AFAP1: variants seen among roughly 807,000 people sequenced by gnomAD.
AFAP1 encodes the protein actin filament-associated protein 1.
A neutral mutation model predicts 93.9 loss-of-function variants in AFAP1; 75 were observed. The ratio of observed to expected loss-of-function variants is 0.80; its 90% CI spans 0.66 to 0.97. AFAP1 has a LOEUF of 0.97. Among genes scored for constraint, AFAP1 ranks in the 50% least tolerant of loss-of-function variants. The probability of loss-of-function intolerance (pLI) is 0.00; values close to 1 mark genes in which losing one functional copy is unlikely to be tolerated. For synonymous variants in AFAP1, 517 were observed against 430.7 expected (o/e 1.20, Z -2.48); for missense variants, 1,201 against 1,050.8 (o/e 1.14, Z -1.98).
At chr4:7,787,337 T>C (rs1315932697) in intron 11 of AFAP1, among the ~76,000 whole-genome samples, 1 of 152,240 alleles carries the variant, frequency 6.6e-6, no homozygotes, top group African/African-American at 2.4e-5. Flanking sequence ...CCTTTCATAG[T>C]AAACTGGTAA....
At chr4:7,931,387 T>C (rs1721057144) in intron 1 of AFAP1, among the ~76,000 whole-genome samples, 2 of 152,044 alleles carry the variant, frequency 1.3e-5, no homozygotes, top group African/African-American at 4.8e-5. Flanking sequence ...TTAAGTGATA[T>C]GGTTTTTTGT....
Position 7,774,862 on chromosome 4 carries a change from C to T in AFAP1, c.1939G>A (p.Asp647Asn). The change falls in exon 15 of 18, where the codon GAT becomes AAT. Residue 647 changes from aspartate (D) to asparagine (N), a missense_variant. Transcript: ENST00000420658. ...TCTTTGGTCTGTAGCCGCTTGGCAT[C>T]TGCTTCTACCCGGTTCTTGCCATAC... ...YKYGKNRVEA[D>N]AKRLQTKEEE... 6.2e-7 allele frequency: 1 copy of T among 1,614,218 alleles called. No individual in the cohort carries two copies. The highest frequency in any genetic ancestry group is 8.5e-7 in the Non-Finnish European group (1 of 1,180,042).
chr4:7,861,812 C>G (rs992839521), intron 3 of AFAP1, among the ~76,000 whole-genome samples: 1 of 152,276 alleles, frequency 6.6e-6, no homozygotes, highest in Non-Finnish European at 1.5e-5. Context: ...TGGCTCACAT[C>G]CACCAAAGGG....
intron 1 of AFAP1, among the ~76,000 whole-genome samples, chr4:7,874,554 T>TTTC (rs1717368832): frequency 8.1e-6 from 1 of 123,698 alleles, no homozygotes; most frequent in Non-Finnish European, 1.8e-5. Flanking sequence ...TTTTTTTTTT[T>TTTC]TTTTTTTTTT....
At chr4:7,800,052 G>A (rs1466261822) in intron 10 of AFAP1, among the ~76,000 whole-genome samples, 5 of 152,180 alleles carry the variant, frequency 3.3e-5, no homozygotes, top group African/African-American at 1.2e-4. Flanking sequence ...AAGAGCTCCT[G>A]GGGGAAAGAG....
At chr4:7,802,141 T>C (rs1488329614) in intron 9 of AFAP1, among the ~76,000 whole-genome samples, 1 of 152,178 alleles carries the variant, frequency 6.6e-6, no homozygotes, top group African/African-American at 2.4e-5. Context: ...ACTTATAAAG[T>C]CTAAATTTTC....
In AFAP1 at chr4:7,815,015, C is replaced by T. The variant is rs138437687; in HGVS notation, c.904+1003G>A. Among the ~76,000 whole-genome samples, 1,267 of 152,320 alleles carry T rather than the reference C, an allele frequency of 8.3e-3. 17 individuals carry two copies. Among genetic ancestry groups the T allele is most frequent in the African/African-American group, 0.029 (1,199 of 41,568 alleles). ...AGGTGGGAACCACCCAAGTGTTCAT[C>T]GACAGATAAATGGGAAAACAAAATG... On this transcript the variant is annotated intron_variant, in intron 8 of 17. Transcript: ENST00000420658.
intron 1 of AFAP1, among the ~76,000 whole-genome samples, chr4:7,880,072 C>G (rs544364928): frequency 6.6e-6 from 1 of 152,316 alleles, no homozygotes; most frequent in African/African-American, 2.4e-5. Flanking sequence ...ACAAAGCAAA[C>G]ACACTTCCTG....
At chr4:7,802,388 G>T (rs1228178113) in intron 9 of AFAP1, among the ~76,000 whole-genome samples, 3 of 152,212 alleles carry the variant, frequency 2.0e-5, no homozygotes, top group African/African-American at 7.2e-5. Context: ...GGGCTGCAGG[G>T]AGGTGAAGAG....
intron 3 of AFAP1, among the ~76,000 whole-genome samples, chr4:7,860,877 A>G (rs762220013): frequency 2.0e-5 from 3 of 152,186 alleles, no homozygotes; most frequent in African/African-American, 2.4e-5. Flanking sequence ...CCCGCGCCCA[A>G]GGCAGACCCA....
intron 10 of AFAP1, among the ~76,000 whole-genome samples, chr4:7,796,565 C>T (rs12508657): frequency 0.15 from 22,329 of 150,940 alleles, 1,685 homozygotes; most frequent in Middle Eastern, 0.2. Context: ...CTGGCTAACA[C>T]GGTGAAACCC....
rs1713431137 is a variant in AFAP1, at chr4:7,759,249, G to GA, written c.*4515dup. The GA allele has an allele frequency of 6.6e-6, 1 of 152,626 alleles. No individual in the cohort carries two copies. Among genetic ancestry groups the GA allele is most frequent in the African/African-American group, 2.4e-5 (1 of 41,456 alleles). 9.5% of individuals were successfully genotyped at this position (152,626 alleles called of 1,614,324 possible). A position where few individuals can be genotyped will look rare whatever the true frequency, so the allele number is the denominator to read the frequency against. On this transcript the variant is annotated 3_prime_UTR_variant, in exon 18 of 18. Transcript: ENST00000420658. ...ACTTATGATCTGAAGATGTCCTTTT[G>GA]AAAGTATCTTCCATGGCTACACTAA... is the stretch of plus-strand genomic sequence containing the variant.
chr4:7,828,833 G>C (rs544041290), intron 6 of AFAP1, among the ~76,000 whole-genome samples: 1 of 152,322 alleles, frequency 6.6e-6, no homozygotes, highest in South Asian at 2.1e-4. Context: ...AGTCCCAGGA[G>C]TCTGACTCCA....
intron 13 of AFAP1, among the ~76,000 whole-genome samples, chr4:7,780,330 G>A (rs1045758126): frequency 2.0e-5 from 3 of 152,218 alleles, no homozygotes; most frequent in Admixed American, 6.5e-5. Flanking sequence ...TGATGAAGCC[G>A]ACCTATTGGG....
At chr4:7,897,724 A>C (rs1718871999) in intron 1 of AFAP1, among the ~76,000 whole-genome samples, 3 of 152,060 alleles carry the variant, frequency 2.0e-5, no homozygotes, top group Admixed American at 1.3e-4. Flanking sequence ...GGGCTTCACC[A>C]TGTTGGCCAG....
chr4:7,781,356 T>C lies in AFAP1; in HGVS notation c.1782+20A>G. ...TGACTTGAAGGTGGTTCTAGAATCT[T>C]ACAGAAGAAGATGCCGTACCTGCGA... is the stretch of plus-strand genomic sequence containing the variant. On this transcript the variant is annotated intron_variant, in intron 13 of 17. Transcript: ENST00000420658. 1 of 1,550,234 alleles carries C rather than the reference T, an allele frequency of 6.5e-7. No homozygotes were observed. Among genetic ancestry groups the C allele is most frequent in the Non-Finnish European group, 8.7e-7 (1 of 1,145,920 alleles).
chr4:7,814,984 G>C (rs3934645), intron 8 of AFAP1, among the ~76,000 whole-genome samples: 31,494 of 152,262 alleles, frequency 0.21, 4,269 homozygotes, highest in Non-Finnish European at 0.3. Context: ...TTTCACACTA[G>C]CCCGAAGGTG....
At chr4:7,787,975 C>A (rs929725867) in intron 11 of AFAP1, among the ~76,000 whole-genome samples, 1 of 152,134 alleles carries the variant, frequency 6.6e-6, no homozygotes, top group Non-Finnish European at 1.5e-5. Flanking sequence ...GGAGGCGGCC[C>A]GTCCCGCAGC....
At chr4:7,773,537 A>T (rs1715726581) in intron 15 of AFAP1, 1 of 153,376 alleles carries the variant, frequency 6.5e-6, no homozygotes, top group Non-Finnish European at 1.5e-5. Context: ...AGATGAGAAC[A>T]CCAATCCCAA....
Sources: gnomAD v4.1 joint callset for allele counts (sites outside exome capture counted in the v4.1 genomes callset) on GRCh38, gnomAD v4.1.1 for gene constraint, MANE v1.5 for transcripts, NCBI Gene and HGNC (gene_info 2026-07-23, HGNC 2026-07-21) for gene names.